The following PAK5 variants were observed in gnomAD, a reference collection of about 807,000 sequenced individuals.
PAK5 encodes the protein serine/threonine-protein kinase PAK 5.
Under a neutral mutation model 65.9 loss-of-function variants are expected in PAK5, and 16 were observed. That is an observed-to-expected ratio of 0.24 (90% CI 0.16 to 0.37). The LOEUF is 0.37. Ranked by LOEUF, PAK5 falls within the 10% of genes least tolerant of loss-of-function variation. The pLI is 1.00. For missense variants in PAK5, 785 were observed against 903.9 expected, an observed-to-expected ratio of 0.87 and a Z score of 1.69; for synonymous variants, 371 against 354.9, an observed-to-expected ratio of 1.05 and a Z score of -0.51.
chr20:9,566,321 T>C lies in PAK5; in HGVS notation c.1054A>G (p.Arg352Gly). The C allele has an allele frequency of 6.2e-7, 1 of 1,613,738 alleles. No homozygotes were observed. Among genetic ancestry groups the C allele is most frequent in the Non-Finnish European group, 8.5e-7 (1 of 1,179,890 alleles). Residue 352 changes from arginine (R) to glycine (G), a missense_variant, in exon 5 of 10, where the codon AGG becomes GGG. Transcript: ENST00000353224. ...CTTTGAGGTAGTTTGGCAGGGCCCC[T>C]GGGGTAGGTGTCAGACCCTGACAGT... is the stretch of plus-strand genomic sequence containing the variant. Reference protein sequence around the residue: ...PPLSGSDTYPRGPAKLPQSQS... With the variant: ...PPLSGSDTYPGGPAKLPQSQS...
At chr20:9,564,431 A>C (rs1429844837) in intron 5 of PAK5, among the ~76,000 whole-genome samples, 2 of 152,244 alleles carry the variant, frequency 1.3e-5, no homozygotes, top group Non-Finnish European at 2.9e-5. Flanking sequence ...TGATTTAGTG[A>C]AGAAATAAAA....
chr20:9,814,513 A>G (rs1321498169), intron 1 of PAK5, among the ~76,000 whole-genome samples: 3 of 152,204 alleles, frequency 2.0e-5, no homozygotes, highest in Non-Finnish European at 4.4e-5. Context: ...AGAAAGAAAA[A>G]AGAGTTGCCA....
chr20:9,752,441 G>T (rs1343975409), intron 1 of PAK5, among the ~76,000 whole-genome samples: 1 of 152,140 alleles, frequency 6.6e-6, no homozygotes, highest in Non-Finnish European at 1.5e-5. Flanking sequence ...AAGAGTGGAA[G>T]TAGGGAGATA....
intron 1 of PAK5, among the ~76,000 whole-genome samples, chr20:9,718,674 C>T (rs896051321): frequency 1.3e-5 from 2 of 152,148 alleles, no homozygotes; most frequent in African/African-American, 2.4e-5. Flanking sequence ...ATTGAGAAAA[C>T]TCAACATACA....
intron 3 of PAK5, among the ~76,000 whole-genome samples, chr20:9,626,704 T>G (rs2046848744): frequency 6.6e-6 from 1 of 152,228 alleles, no homozygotes; most frequent in African/African-American, 2.4e-5. Context: ...AAATTTCAAT[T>G]TACATGTATT....
chr20:9,681,689 T>G (rs906093374), intron 2 of PAK5, among the ~76,000 whole-genome samples: 3 of 152,214 alleles, frequency 2.0e-5, no homozygotes, highest in Admixed American at 2.0e-4. Flanking sequence ...CTTTTGTAAT[T>G]CTTTACAAAC....
intron 1 of PAK5, among the ~76,000 whole-genome samples, chr20:9,797,888 T>C (rs1030273235): frequency 3.3e-5 from 5 of 151,958 alleles, no homozygotes; most frequent in Non-Finnish European, 5.9e-5. Context: ...AAAGGATTCA[T>C]CAGTATATGA....
rs529378142 is a variant in PAK5, at chr20:9,581,190, G to A, written c.205-260C>T. Reference sequence around the variant, plus strand: ...ATAACCATCAAAAAGCCATGTAGGAGACTACATAGAATATAACTGTTTTAT... The same window carrying A: ...ATAACCATCAAAAAGCCATGTAGGAAACTACATAGAATATAACTGTTTTAT... On this transcript the variant is annotated intron_variant, in intron 3 of 9. Transcript: ENST00000353224. 2.4e-4 allele frequency among the ~76,000 whole-genome samples: 37 copies of A among 152,226 alleles called. 1 individual carries two copies. In the South Asian group the frequency reaches 6.8e-3, roughly 28 times the overall value.
intron 3 of PAK5, among the ~76,000 whole-genome samples, chr20:9,631,167 C>A (rs2046916130): frequency 6.6e-6 from 1 of 152,104 alleles, no homozygotes; most frequent in Admixed American, 6.6e-5. Context: ...GGTAGACAGA[C>A]CCTAGGGTGA....
chr20:9,640,827 C>T (rs967974956), intron 3 of PAK5, among the ~76,000 whole-genome samples: 3 of 151,864 alleles, frequency 2.0e-5, no homozygotes, highest in South Asian at 2.1e-4. Context: ...CTCGTGGTCT[C>T]GCTGGGCTCA....
intron 2 of PAK5, among the ~76,000 whole-genome samples, 163 bp from the exon 3 acceptor site, chr20:9,644,502 A>G (rs192913983): frequency 6.6e-6 from 1 of 152,198 alleles, no homozygotes; most frequent in Admixed American, 6.5e-5. Flanking sequence ...TAAATTAGAT[A>G]ATTTTATTCA....
At chr20:9,796,560 A>G (rs1486608092) in intron 1 of PAK5, among the ~76,000 whole-genome samples, 1 of 152,128 alleles carries the variant, frequency 6.6e-6, no homozygotes, top group Admixed American at 6.6e-5. Context: ...TTCCAAATGT[A>G]GTAGGAAATT....
At chr20:9,635,499 G>A (rs2123241298) in intron 3 of PAK5, among the ~76,000 whole-genome samples, 1 of 151,986 alleles carries the variant, frequency 6.6e-6, no homozygotes, top group East Asian at 1.9e-4. Flanking sequence ...CTACCCAACA[G>A]ATGATCTGTT....
intron 2 of PAK5, among the ~76,000 whole-genome samples, chr20:9,697,645 G>A (rs914524747): frequency 6.6e-6 from 1 of 151,984 alleles, no homozygotes; most frequent in African/African-American, 2.4e-5. Context: ...TTACCATATA[G>A]ACTTGTGGCT....
intron 1 of PAK5, among the ~76,000 whole-genome samples, chr20:9,727,971 T>A (rs957948750): frequency 6.6e-6 from 1 of 152,084 alleles, no homozygotes; most frequent in South Asian, 2.1e-4. Context: ...TGGAGAATGG[T>A]GTTTAGAAAC....
intron 2 of PAK5, among the ~76,000 whole-genome samples, chr20:9,684,209 A>G (rs1450913970): frequency 6.6e-6 from 1 of 152,212 alleles, no homozygotes; most frequent in Non-Finnish European, 1.5e-5. Context: ...TTAGGAGAAC[A>G]CTGACTCTCT....
intron 1 of PAK5, among the ~76,000 whole-genome samples, chr20:9,772,096 T>C (rs2123678931): frequency 6.6e-6 from 1 of 152,298 alleles, no homozygotes; most frequent in East Asian, 1.9e-4. Flanking sequence ...TTTCTTATTT[T>C]ATCAAGAAAA....
chr20:9,702,178 C>T (rs1476739578), intron 2 of PAK5, among the ~76,000 whole-genome samples: 1 of 152,010 alleles, frequency 6.6e-6, no homozygotes, highest in East Asian at 1.9e-4. Context: ...ATGATGATAA[C>T]AACACTGCTC....
intron 9 of PAK5, 62 bp from the exon 10 acceptor site, chr20:9,539,679 A>ATT: frequency 7.1e-7 from 1 of 1,409,970 alleles, no homozygotes; most frequent in Non-Finnish European, 9.9e-7. Flanking sequence ...AGTCCCCAAA[A>ATT]TGTTTTCCCC....
Sources: gnomAD v4.1 joint callset for allele counts (sites outside exome capture counted in the v4.1 genomes callset) on GRCh38, gnomAD v4.1.1 for gene constraint, MANE v1.5 for transcripts, NCBI Gene and HGNC (gene_info 2026-07-23, HGNC 2026-07-21) for gene names.